The following PCSK5 variants were observed in gnomAD, a reference collection of about 807,000 sequenced individuals.
PCSK5 encodes prohormone convertase 5.
A neutral mutation model predicts 233.2 loss-of-function variants in PCSK5; 129 were observed. The observed-to-expected ratio is 0.55, with a 90% CI of 0.48 to 0.64. PCSK5 has a LOEUF of 0.64. PCSK5 is among the 30% of genes least tolerant of loss of function. PCSK5 has a pLI of 0.00. For missense variants in PCSK5, 2,076 were observed against 2,430.1 expected (o/e 0.85, Z 3.06); for synonymous variants, 825 against 879.2 (o/e 0.94, Z 1.09).
At chr9:75,915,177 A>G (rs1259160889) in intron 1 of PCSK5, among the ~76,000 whole-genome samples, 1 of 152,144 alleles carries the variant, frequency 6.6e-6, no homozygotes, top group East Asian at 1.9e-4. Flanking sequence ...TATAATGGGG[A>G]TGCCTTTACC....
intron 30 of PCSK5, among the ~76,000 whole-genome samples, chr9:76,318,154 A>G (rs1263391076): frequency 2.6e-5 from 4 of 152,170 alleles, no homozygotes; most frequent in African/African-American, 9.7e-5. Context: ...ATCTAAGTTC[A>G]TGTCTTTTGC....
rs964851254 is a variant in PCSK5 at position 76,361,968 on chromosome 9, A to T, written c.*3046A>T. On this transcript the variant is annotated 3_prime_UTR_variant, in exon 38 of 38. Coordinates refer to ENST00000674117, the MANE Select transcript of PCSK5 (RefSeq NM_001372043.1). ...CTGGAAATTGTTTTCTATGAAAAAA[A>T]AACTCTATGATACACAGTTAAAGAT... 5 of 152,222 alleles carry T rather than the reference A, an allele frequency of 3.3e-5. No homozygotes were observed. Among genetic ancestry groups the T allele is most frequent in the African/African-American group, 1.2e-4 (5 of 41,454 alleles). The allele number at this position is 152,222 out of a possible 1,614,324, so 9.4% of individuals were successfully genotyped here.
At chr9:76,040,412 T>G (rs1829069515) in intron 5 of PCSK5, among the ~76,000 whole-genome samples, 2 of 139,726 alleles carry the variant, frequency 1.4e-5, no homozygotes, top group Non-Finnish European at 3.1e-5. Flanking sequence ...TCTCTCTCTC[T>G]CAACAGGTCT....
chr9:76,224,058 G>A (rs1229204891), intron 20 of PCSK5, among the ~76,000 whole-genome samples: 3 of 152,086 alleles, frequency 2.0e-5, no homozygotes, highest in Non-Finnish European at 4.4e-5. Flanking sequence ...AGACTTGAGA[G>A]ACAGGCACAG....
intron 10 of PCSK5, among the ~76,000 whole-genome samples, chr9:76,151,711 C>T (rs1334838917): frequency 6.6e-6 from 1 of 152,202 alleles, no homozygotes; most frequent in Non-Finnish European, 1.5e-5. Context: ...GGATTGAGTA[C>T]TTACTATACA....
chr9:76,323,276 A>G lies in PCSK5; in HGVS notation c.4327A>G (p.Lys1443Glu). ...AGGAACCTATTATGAAAAGGAGACT[A>G]AGGAGTGCAGAGGTAAAGACTTCTG... ...PAGTYYEKET[K>E]ECRDCHKSCL... The change falls in exon 32 of 38, where the codon AAG (lysine) becomes GAG (glutamate). Residue 1443 changes from lysine (K) to glutamate (E), a missense_variant. By Grantham distance (56) the Lys-to-Glu change is moderately conservative. Coordinates refer to ENST00000674117, the MANE Select transcript of PCSK5 (RefSeq NM_001372043.1). 2 of 1,599,802 alleles carry G rather than the reference A, an allele frequency of 1.3e-6. No individual in the cohort carries two copies. Among genetic ancestry groups the G allele is most frequent in the Non-Finnish European group, 1.7e-6 (2 of 1,168,094 alleles).
chr9:76,107,139 A>G (rs927746806), intron 8 of PCSK5, 112 bp from the exon 9 acceptor site: 2 of 596,582 alleles, frequency 3.4e-6, no homozygotes, highest in Admixed American at 6.1e-5. Context: ...CAAGGAATTT[A>G]AAACAAGTAT....
chr9:76,302,873 T>C (rs1342591512), intron 28 of PCSK5, among the ~76,000 whole-genome samples: 2 of 151,300 alleles, frequency 1.3e-5, no homozygotes, highest in African/African-American at 4.8e-5. Context: ...AAAAAATAAA[T>C]ACAATAAATG....
At chr9:75,961,922 A>G (rs1825371539) in intron 2 of PCSK5, among the ~76,000 whole-genome samples, 1 of 152,198 alleles carries the variant, frequency 6.6e-6, no homozygotes, top group Non-Finnish European at 1.5e-5. Context: ...GGACAGCACT[A>G]ATTCTGGTAT....
intron 1 of PCSK5, among the ~76,000 whole-genome samples, chr9:75,925,635 C>G (rs1029895084): frequency 4.6e-5 from 7 of 152,162 alleles, no homozygotes; most frequent in African/African-American, 1.7e-4. Context: ...AAGAAGGTGG[C>G]CTTTGAGAAG....
intron 2 of PCSK5, among the ~76,000 whole-genome samples, chr9:75,964,190 A>G (rs937285868): frequency 1.3e-5 from 2 of 152,202 alleles, no homozygotes; most frequent in African/African-American, 2.4e-5. Flanking sequence ...TCAATTGTGT[A>G]TATGGGTTCA....
intron 10 of PCSK5, 122 bp from the exon 11 acceptor site, chr9:76,156,923 T>C: frequency 1.4e-6 from 1 of 698,696 alleles, no homozygotes; most frequent in Middle Eastern, 2.7e-4. Context: ...GATTTATTTC[T>C]CAAATCATTG....
At chr9:76,249,590 T>C (rs1826735765) in intron 24 of PCSK5, among the ~76,000 whole-genome samples, 1 of 152,200 alleles carries the variant, frequency 6.6e-6, no homozygotes, top group South Asian at 2.1e-4. Context: ...TCTAATACCA[T>C]TCTCCAATAA....
chr9:76,103,371 G>A (rs888866711), intron 8 of PCSK5, among the ~76,000 whole-genome samples: 5 of 152,016 alleles, frequency 3.3e-5, no homozygotes, highest in Non-Finnish European at 5.9e-5. Context: ...AGACAATATG[G>A]CACCTTCAAA....
chr9:75,984,316 G>T (rs1270922327), intron 2 of PCSK5, among the ~76,000 whole-genome samples: 1 of 152,190 alleles, frequency 6.6e-6, no homozygotes, highest in Non-Finnish European at 1.5e-5. Flanking sequence ...AGGATAGACT[G>T]TCCTGACCTC....
chr9:76,311,101 C>T (rs1828852788), intron 30 of PCSK5, among the ~76,000 whole-genome samples: 1 of 152,022 alleles, frequency 6.6e-6, no homozygotes, highest in South Asian at 2.1e-4. Flanking sequence ...AGGGGCTGGG[C>T]GTGGTGGCTC....
chr9:76,358,787 T>A lies in PCSK5; in HGVS notation c.5529T>A (p.Asp1843Glu), dbSNP rs546650293. 2 of 1,612,876 alleles carry A rather than the reference T, an allele frequency of 1.2e-6. No individual in the cohort carries two copies. Among genetic ancestry groups the A allele is most frequent in the Admixed American group, 3.3e-5 (2 of 60,018 alleles). ...TTGAGTACAGGGATCGGGACTATGA[T>A]GAGGATGATGATGATGACATCGTCT... ...QVIEYRDRDYDEDDDDDIVYM... is the reference protein window; with the variant it reads ...QVIEYRDRDYEEDDDDDIVYM... The change falls in exon 38 of 38, where the codon GAT (aspartate) becomes GAA (glutamate). Residue 1843 changes from aspartate (D) to glutamate (E), a missense_variant. By Grantham distance (45) the Asp-to-Glu change is conservative. Around this residue, in one of 6 missense-constraint regions of PCSK5, gnomAD observed 1,510 missense variants for 1,538.1 expected, o/e 0.98. Transcript: ENST00000674117.
intron 1 of PCSK5, among the ~76,000 whole-genome samples, chr9:75,922,918 AT>A (rs2131260567): frequency 6.6e-6 from 1 of 152,212 alleles, no homozygotes; most frequent in South Asian, 2.1e-4. Context: ...GATGTTTTTG[AT>A]TACCTGCTAG....
chr9:76,043,943 TTCTC>T (rs994779610), intron 5 of PCSK5, among the ~76,000 whole-genome samples: 2 of 152,144 alleles, frequency 1.3e-5, no homozygotes, highest in Admixed American at 6.5e-5. Context: ...CTTTCTCTCT[TTCTC>T]TCTCTATGTC....
Sources: gnomAD v4.1 joint callset for allele counts (sites outside exome capture counted in the v4.1 genomes callset) on GRCh38, gnomAD v4.1.1 for gene constraint, gnomAD v4.1.1 regional missense constraint, MANE v1.5 for transcripts, NCBI Gene and HGNC (gene_info 2026-07-23, HGNC 2026-07-21) for gene names.